TMEM132C: variants seen among roughly 807,000 people sequenced by gnomAD.
The protein encoded by TMEM132C is protein phosphatase 1, regulatory subunit 152.
In TMEM132C, 29 loss-of-function variants were observed where a neutral mutation model predicts 61.4. The observed-to-expected ratio is 0.47, with a 90% CI of 0.35 to 0.64. The LOEUF is 0.64. Among genes scored for constraint, TMEM132C ranks in the 30% least tolerant of loss-of-function variants. TMEM132C has a pLI of 0.00. For synonymous variants in TMEM132C, 656 were observed against 633.1 expected (o/e 1.04, Z -0.54); for missense variants, 1,408 against 1,476.9 (o/e 0.95, Z 0.76).
At chr12:128,283,088 A>C (rs887795304) in intron 1 of TMEM132C, among the ~76,000 whole-genome samples, 1 of 152,226 alleles carries the variant, frequency 6.6e-6, no homozygotes. Context: ...TCCTCATTAG[A>C]ATTTCAACAT....
intron 2 of TMEM132C, among the ~76,000 whole-genome samples, chr12:128,452,598 G>A (rs1049818033): frequency 9.9e-5 from 15 of 151,310 alleles, no homozygotes; most frequent in Non-Finnish European, 1.8e-4. Flanking sequence ...GTAGGGGGCC[G>A]GGTGCTGAGG....
chr12:128,488,193 C>T (rs543122200), intron 2 of TMEM132C, among the ~76,000 whole-genome samples: 4 of 152,340 alleles, frequency 2.6e-5, no homozygotes, highest in Admixed American at 2.6e-4. Flanking sequence ...CACTGCATGG[C>T]ATGTGGCTAG....
At chr12:128,510,032 G>C (rs1205337234) in intron 2 of TMEM132C, among the ~76,000 whole-genome samples, 1 of 152,166 alleles carries the variant, frequency 6.6e-6, no homozygotes, top group African/African-American at 2.4e-5. Context: ...ATGCAGAAAG[G>C]TTAGAAATTG....
intron 5 of TMEM132C, among the ~76,000 whole-genome samples, chr12:128,691,023 C>A (rs1032176767): frequency 6.6e-6 from 1 of 152,176 alleles, no homozygotes; most frequent in Non-Finnish European, 1.5e-5. Flanking sequence ...AGGCCACAGA[C>A]CCCCCAGAAG....
At chr12:128,464,942 G>T (rs1055294908) in intron 2 of TMEM132C, among the ~76,000 whole-genome samples, 3 of 152,172 alleles carry the variant, frequency 2.0e-5, no homozygotes, top group Admixed American at 1.3e-4. Flanking sequence ...TGAGTGAATG[G>T]AGATGAGCGA....
At chr12:128,451,918 A>G (rs1870186402) in intron 2 of TMEM132C, among the ~76,000 whole-genome samples, 1 of 152,200 alleles carries the variant, frequency 6.6e-6, no homozygotes, top group Admixed American at 6.5e-5. Flanking sequence ...CGACCACCAG[A>G]CAACAAAATA....
intron 4 of TMEM132C, among the ~76,000 whole-genome samples, chr12:128,655,733 G>C: frequency 6.6e-6 from 1 of 151,952 alleles, no homozygotes. Context: ...ACCACTCCCT[G>C]CCATTCCCAA....
intron 1 of TMEM132C, among the ~76,000 whole-genome samples, chr12:128,297,078 A>T (rs114919657): frequency 0.018 from 2,734 of 152,144 alleles, 74 homozygotes; most frequent in African/African-American, 0.062. Flanking sequence ...CAAAGTGCAT[A>T]TGTAAGTTTT....
At chr12:128,628,382 T>G (rs1332066034) in intron 4 of TMEM132C, among the ~76,000 whole-genome samples, 1 of 152,192 alleles carries the variant, frequency 6.6e-6, no homozygotes, top group Non-Finnish European at 1.5e-5. Flanking sequence ...CACTTACTAT[T>G]TCCTGTACCA....
intron 1 of TMEM132C, among the ~76,000 whole-genome samples, chr12:128,308,180 A>G (rs977549874): frequency 2.0e-5 from 3 of 152,336 alleles, no homozygotes; most frequent in South Asian, 4.1e-4. Flanking sequence ...CTATGGTTCT[A>G]GTGGCATCAT....
chr12:128,568,970 A>C (rs1001198941), intron 3 of TMEM132C, among the ~76,000 whole-genome samples: 1 of 152,200 alleles, frequency 6.6e-6, no homozygotes, highest in East Asian at 1.9e-4. Context: ...TCTAGGACTG[A>C]GTGACGGAAG....
intron 2 of TMEM132C, among the ~76,000 whole-genome samples, chr12:128,437,491 A>G (rs1869642321): frequency 6.6e-6 from 1 of 152,108 alleles, no homozygotes; most frequent in African/African-American, 2.4e-5. Context: ...CACCACCAAG[A>G]TAAACTCACC....
At chr12:128,591,744 G>A (rs1875758596) in intron 3 of TMEM132C, among the ~76,000 whole-genome samples, 1 of 151,976 alleles carries the variant, frequency 6.6e-6, no homozygotes, top group East Asian at 1.9e-4. Flanking sequence ...TTTTATTGAA[G>A]TATTTGCCAA....
At chr12:128,686,068 T>C in intron 5 of TMEM132C, among the ~76,000 whole-genome samples, 1 of 69,296 alleles carries the variant, frequency 1.4e-5, no homozygotes, top group South Asian at 4.3e-4. Flanking sequence ...TGTGTGTGCA[T>C]GCGTGTGTGC....
chr12:128,701,683 C>T (rs1289589680), intron 8 of TMEM132C, among the ~76,000 whole-genome samples: 1 of 152,032 alleles, frequency 6.6e-6, no homozygotes, highest in Non-Finnish European at 1.5e-5. Flanking sequence ...GTTCACCTGC[C>T]CTTCACAGTT....
intron 1 of TMEM132C, among the ~76,000 whole-genome samples, chr12:128,299,206 G>A (rs906612600): frequency 2.0e-5 from 3 of 152,186 alleles, no homozygotes; most frequent in Admixed American, 6.5e-5. Context: ...TTGGTCATGA[G>A]ACTCACTGTC....
rs942242632 is a variant in TMEM132C, at chr12:128,300,874, CA to C, written c.85+33396del. On this transcript the variant is annotated intron_variant, in intron 1 of 8. Coordinates refer to ENST00000435159, the MANE Select transcript of TMEM132C (RefSeq NM_001136103.3). ...GCAACATAGGGGGACCCCACCTCTA[CA>C]AAAAAAAATTCAGAAATTTGTCAGA... Among the ~76,000 whole-genome samples, 7 of 151,154 alleles carry C rather than the reference CA, an allele frequency of 4.6e-5. No individual in the cohort carries two copies. In the South Asian group the frequency reaches 6.3e-4, roughly 14 times the overall value.
intron 4 of TMEM132C, among the ~76,000 whole-genome samples, chr12:128,637,384 C>A (rs1022142630): frequency 1.1e-4 from 17 of 152,188 alleles, no homozygotes; most frequent in African/African-American, 4.1e-4. Flanking sequence ...AAGTCATTCA[C>A]CCAAAAATCA....
chr12:128,500,754 T>C (rs1311835921), intron 2 of TMEM132C, among the ~76,000 whole-genome samples: 1 of 152,194 alleles, frequency 6.6e-6, no homozygotes, highest in Non-Finnish European at 1.5e-5. Flanking sequence ...CAAGATGCTA[T>C]GGAAAGCAAT....
Sources: gnomAD v4.1 joint callset for allele counts (sites outside exome capture counted in the v4.1 genomes callset) on GRCh38, gnomAD v4.1.1 for gene constraint, MANE v1.5 for transcripts, NCBI Gene and HGNC (gene_info 2026-07-23, HGNC 2026-07-21) for gene names.